MCM10: variants seen among roughly 807,000 people sequenced by gnomAD.
MCM10 encodes the protein protein MCM10 homolog.
A neutral mutation model predicts 109.9 loss-of-function variants in MCM10; 91 were observed. That is an observed-to-expected ratio of 0.83 (90% CI 0.70 to 0.99). The LOEUF is 0.99. Ranked by LOEUF, MCM10 falls within the 50% of genes least tolerant of loss-of-function variation. The pLI is 0.00. For missense variants in MCM10, 1,077 were observed against 1,061.2 expected, an observed-to-expected ratio of 1.01 and a Z score of -0.21; for synonymous variants, 380 against 387.2, an observed-to-expected ratio of 0.98 and a Z score of 0.22.
rs1317034647 is a variant in MCM10 at position 13,210,151 on chromosome 10, C to T, written c.*841C>T. ...ACACTGCAGCCTTGGCTTCCCTGGGCTCAAGCAGTCCTCCCACCTCAGTCT... is the reference window on the plus strand; with the variant it reads ...ACACTGCAGCCTTGGCTTCCCTGGGTTCAAGCAGTCCTCCCACCTCAGTCT... On this transcript the variant is annotated 3_prime_UTR_variant, in exon 20 of 20. Coordinates refer to ENST00000378714, the MANE Select transcript of MCM10 (RefSeq NM_018518.5). 6.6e-6 allele frequency: 1 copy of T among 151,854 alleles called. No homozygotes were observed. Among genetic ancestry groups the T allele is most frequent in the Non-Finnish European group, 1.5e-5 (1 of 68,008 alleles). The allele number at this position is 151,854 out of a possible 1,614,324, so 9.4% of individuals were successfully genotyped here.
chr10:13,164,971 G>GT (rs149291212), intron 2 of MCM10, among the ~76,000 whole-genome samples: 4,437 of 152,068 alleles, frequency 0.029, 198 homozygotes, highest in African/African-American at 0.099. Flanking sequence ...CTGAAACTGG[G>GT]TTTTTTTAAA....
At chr10:13,174,660 A>G (rs543015448) in intron 5 of MCM10, among the ~76,000 whole-genome samples, 1 of 152,350 alleles carries the variant, frequency 6.6e-6, no homozygotes, top group Admixed American at 6.5e-5. Flanking sequence ...GCACAGGGTC[A>G]CATTTAAGTG....
rs1187588210 is a variant in MCM10, at chr10:13,172,389, T to A, written c.363T>A (p.Asn121Lys). 6.2e-7 allele frequency: 1 copy of A among 1,612,656 alleles called. No individual in the cohort carries two copies. The highest frequency in any genetic ancestry group is 1.7e-5 in the Admixed American group (1 of 59,838). ...TTCATTTCCTAGAGGAATTAAGGAA[T>A]TTGCAAGAGCAAATGAAGGCCTTAC... is the stretch of plus-strand genomic sequence containing the variant. ...TNEELQEELR[N>K]LQEQMKALQE... The change falls in exon 4 of 20, where the codon AAT becomes AAA. Residue 121 changes from asparagine (N) to lysine (K), a missense_variant. By Grantham distance (94) the Asn-to-Lys change is moderately conservative. Coordinates refer to ENST00000378714, the MANE Select transcript of MCM10 (RefSeq NM_018518.5). The surrounding 1 kb of genome is among the most constrained non-coding windows in gnomAD (Gnocchi z 5.2).
At chr10:13,180,703 A>C in intron 7 of MCM10, 96 bp downstream of exon 7, 1 of 1,391,620 alleles carries the variant, frequency 7.2e-7, no homozygotes, top group Non-Finnish European at 1.0e-6. Context: ...TTGGTGTTTC[A>C]TTTAGAAATA....
intron 2 of MCM10, among the ~76,000 whole-genome samples, chr10:13,167,876 G>T (rs894350718): frequency 9.2e-5 from 14 of 152,184 alleles, no homozygotes; most frequent in Admixed American, 3.9e-4. Context: ...GATTTCTGTT[G>T]TAAGAGCCAC....
rs776466497 is a variant in MCM10, at chr10:13,192,477, A to G, written c.1654A>G (p.Ile552Val). The change falls in exon 13 of 20, where the codon ATC (isoleucine) becomes GTC (valine). Residue 552 changes from isoleucine (I) to valine (V), a missense_variant. Coordinates refer to ENST00000378714, the MANE Select transcript of MCM10 (RefSeq NM_018518.5). The stretch of plus-strand genomic sequence containing the variant: ...GATTATGGGGAGCCCAAAACCAGCC[A>G]TCAAGTCCATCTCGGCCTCAGCACT... ...SGIMGSPKPA[I>V]KSISASALLK... 2.5e-6 allele frequency: 4 copies of G among 1,614,200 alleles called. No individual in the cohort carries two copies. The highest frequency in any genetic ancestry group is 3.3e-5 in the Admixed American group (2 of 60,026).
At chr10:13,170,820 A>G in intron 2 of MCM10, 102 bp from the exon 3 acceptor site, 2 of 893,530 alleles carry the variant, frequency 2.2e-6, no homozygotes, top group Non-Finnish European at 3.5e-6. Flanking sequence ...TGTACCCATT[A>G]GGTAGTTTCT....
Position 13,180,579 on chromosome 10 carries a change from A to G in MCM10, c.902A>G (p.Lys301Arg). Reference protein sequence around the residue: ...IDWVTFGVILKKVTPQSVNSG... With the variant: ...IDWVTFGVILRKVTPQSVNSG... ...TGGGTGACATTTGGGGTTATATTGA[A>G]GAAGGTTACGCCACAGAGTGTGAAT... Residue 301 changes from lysine to arginine, a missense_variant, in exon 7 of 20, where the codon AAG becomes AGG. By Grantham distance (26) the Lys-to-Arg change is conservative (BLOSUM62 2). Coordinates refer to ENST00000378714, the MANE Select transcript of MCM10 (RefSeq NM_018518.5). 1.2e-6 allele frequency: 2 copies of G among 1,614,198 alleles called. No homozygotes were observed. Among genetic ancestry groups the G allele is most frequent in the Non-Finnish European group, 1.7e-6 (2 of 1,180,028 alleles).
rs575545888 is a variant in MCM10 at position 13,179,516 on chromosome 10, GC to G, written c.765-925del. ...GAATATTCTTCATTGTTCAAACTTA[GC>G]TCTGGGACTTTCTGTTCCAGAAGAC... On this transcript the variant is annotated intron_variant, in intron 6 of 19. Transcript: ENST00000378714. 2.1e-3 allele frequency among the ~76,000 whole-genome samples: 324 copies of G among 152,240 alleles called. 1 individual carries two copies. The highest frequency in any genetic ancestry group is 7.5e-3 in the African/African-American group (310 of 41,552).
At chr10:13,207,184 A>C (rs1247862265) in intron 18 of MCM10, among the ~76,000 whole-genome samples, 2 of 152,078 alleles carry the variant, frequency 1.3e-5, no homozygotes. Context: ...TGTGGGCCAG[A>C]TGATCTGTCA....
At chr10:13,170,678 T>G (rs953034023) in intron 2 of MCM10, among the ~76,000 whole-genome samples, 10 of 151,476 alleles carry the variant, frequency 6.6e-5, no homozygotes, top group Non-Finnish European at 1.0e-4. Flanking sequence ...TTTTTGTTTT[T>G]TTTGTTTGTT....
In MCM10 at chr10:13,209,681, C is replaced by G; in HGVS notation, c.*371C>G. 5.3e-6 allele frequency: 1 copy of G among 188,592 alleles called. No individual in the cohort carries two copies. Among genetic ancestry groups the G allele is most frequent in the Non-Finnish European group, 1.1e-5 (1 of 91,508 alleles). 11.7% of individuals were successfully genotyped at this position (188,592 alleles called of 1,614,324 possible). A position where few individuals can be genotyped will look rare whatever the true frequency, so the allele number is the denominator to read the frequency against. On this transcript the variant is annotated 3_prime_UTR_variant, in exon 20 of 20. Coordinates refer to ENST00000378714, the MANE Select transcript of MCM10 (RefSeq NM_018518.5). ...AAAATTCTAGTGTTTATACGAACAC[C>G]CAGAGGCAAAAGAATTTGGCTTAAT...
chr10:13,208,840 CATT>C (rs1281329406), intron 18 of MCM10, among the ~76,000 whole-genome samples: 1 of 152,202 alleles, frequency 6.6e-6, no homozygotes, highest in Non-Finnish European at 1.5e-5. Context: ...GTGGTGCCAT[CATT>C]ATCATTTGAA....
intron 13 of MCM10, among the ~76,000 whole-genome samples, chr10:13,194,266 G>A (rs981780628): frequency 6.6e-6 from 1 of 152,218 alleles, no homozygotes; most frequent in East Asian, 1.9e-4. Context: ...GGGAGGCTGA[G>A]GTGGGAGGAT....
chr10:13,169,753 T>C (rs1834046159), intron 2 of MCM10, among the ~76,000 whole-genome samples: 1 of 152,250 alleles, frequency 6.6e-6, no homozygotes, highest in Admixed American at 6.5e-5. Flanking sequence ...TCACCCAGGC[T>C]GGAGTGCAGT....
chr10:13,190,716 G>T (rs1281923743), intron 10 of MCM10, among the ~76,000 whole-genome samples: 1 of 151,408 alleles, frequency 6.6e-6, no homozygotes, highest in Non-Finnish European at 1.5e-5. Flanking sequence ...TTAGTTCCTT[G>T]GTATATATAC....
At chr10:13,205,002 GTA>G (rs576376587) in intron 18 of MCM10, among the ~76,000 whole-genome samples, 27 of 6,674 alleles carry the variant, frequency 4.0e-3, no homozygotes, top group African/African-American at 7.9e-3. Context: ...ATGTATGTAT[GTA>G]TATATATATA....
rs961493567 is a variant in MCM10, at chr10:13,210,088, A to G, written c.*778A>G. ...TTATTTTTTATGACAGGGTCTCACTATGTCACCCTGGCTGGAGTGCAGTAG... is the reference window on the plus strand; with the variant it reads ...TTATTTTTTATGACAGGGTCTCACTGTGTCACCCTGGCTGGAGTGCAGTAG... On this transcript the variant is annotated 3_prime_UTR_variant, in exon 20 of 20. Transcript: ENST00000378714. The G allele has an allele frequency of 4.0e-5, 6 of 151,660 alleles. No individual in the cohort carries two copies. The allele number at this position is 151,660 out of a possible 1,614,324, so 9.4% of individuals were successfully genotyped here. A position where few individuals can be genotyped will look rare whatever the true frequency, so the allele number is the denominator to read the frequency against.
At position 13,172,020 on chromosome 10, in the gene MCM10, T is replaced by C. The variant is rs920012844; in HGVS notation, c.350-356T>C. Among the ~76,000 whole-genome samples the C allele has an allele frequency of 6.6e-6, 1 of 152,072 alleles. No individual in the cohort carries two copies. Among genetic ancestry groups the C allele is most frequent in the African/African-American group, 2.4e-5 (1 of 41,414 alleles). Reference sequence around the variant, plus strand: ...GAACTGCTGGGCTCTTGCGTCCTCCTGCCTCAGCCTCCCAAAATGCTGTGA... The same window carrying C: ...GAACTGCTGGGCTCTTGCGTCCTCCCGCCTCAGCCTCCCAAAATGCTGTGA... On this transcript the variant is annotated intron_variant, in intron 3 of 19. Coordinates refer to ENST00000378714, the MANE Select transcript of MCM10 (RefSeq NM_018518.5). This position sits in a 1 kb window ranked among gnomAD's most constrained non-coding sequence, Gnocchi z 5.2.
Sources: allele counts gnomAD v4.1 joint callset (sites outside exome capture counted in the v4.1 genomes callset), GRCh38; gene constraint gnomAD v4.1.1; non-coding constraint Gnocchi (gnomAD v3.1); transcripts MANE v1.5; gene names NCBI Gene and HGNC (gene_info 2026-07-23, HGNC 2026-07-21).